Variants in ZNF570 observed in about 807,000 individuals in gnomAD.
The protein encoded by ZNF570 is zinc finger protein 570.
ZNF570 carries 8 observed loss-of-function variants against 14.2 expected under a neutral mutation model. That is an observed-to-expected ratio of 0.56 (90% CI 0.33 to 1.02). ZNF570 has a LOEUF of 1.02. ZNF570 is among the 50% of genes least tolerant of loss of function. The pLI is 0.03. For missense variants in ZNF570, 559 were observed against 624.9 expected, an observed-to-expected ratio of 0.89 and a Z score of 1.12; for synonymous variants, 202 against 207.6, an observed-to-expected ratio of 0.97 and a Z score of 0.23.
chr19:37,469,704 G>T, intron 1 of ZNF570, 147 bp downstream of exon 1: 1 of 810,718 alleles, frequency 1.2e-6, no homozygotes, highest in Non-Finnish European at 1.9e-6. Flanking sequence ...TTGTTGGGCC[G>T]ATACCCGCGG....
chr19:37,477,291 G>A (rs1396393078), intron 4 of ZNF570, among the ~76,000 whole-genome samples: 6 of 48,208 alleles, frequency 1.2e-4, no homozygotes, highest in African/African-American at 3.0e-4. Flanking sequence ...AGGTTGTCGT[G>A]TGTGTGTGTG....
chr19:37,483,748 G>T, intron 4 of ZNF570, 131 bp from the exon 5 acceptor site: 1 of 904,236 alleles, frequency 1.1e-6, no homozygotes. Context: ...GTACACTTCA[G>T]AACTGCAAAA....
chr19:37,476,298 A>G (rs1381623375), intron 3 of ZNF570, 41 bp from the exon 4 acceptor site: 1 of 1,606,374 alleles, frequency 6.2e-7, no homozygotes, highest in Non-Finnish European at 8.5e-7. Flanking sequence ...TGGAATATCC[A>G]CAGCATGACA....
At position 37,470,361 on chromosome 19, in the gene ZNF570, G is replaced by C; in HGVS notation, c.7G>C (p.Val3Leu). The C allele has an allele frequency of 1.2e-6, 2 of 1,614,160 alleles. No homozygotes were observed. The highest frequency in any genetic ancestry group is 1.7e-6 in the Non-Finnish European group (2 of 1,179,998). ...GAGCCAGGAGGAAGAAAGAATGGCT[G>C]TTGGGCTTCTTAAAGCCATGTACCA... Reference protein sequence around the residue: MAVGLLKAMYQEL... With the variant: MALGLLKAMYQEL... Residue 3 changes from valine to leucine, a missense_variant, in exon 2 of 5, where the codon GTT becomes CTT. Physicochemically the swap from Val to Leu is conservative, Grantham distance 32 (BLOSUM62 1). Transcript: ENST00000330173.
Position 37,484,484 on chromosome 19 carries a change from C to T in ZNF570, c.862C>T (p.His288Tyr), listed in dbSNP as rs977180962. 21 of 1,613,612 alleles carry T rather than the reference C, an allele frequency of 1.3e-5. No individual in the cohort carries two copies. Among genetic ancestry groups the T allele is most frequent in the African/African-American group, 4.0e-5 (3 of 74,818 alleles). Residue 288 changes from histidine (H) to tyrosine (Y), a missense_variant, in exon 5 of 5, where the codon CAC (histidine) becomes TAC (tyrosine). Coordinates refer to ENST00000330173, the MANE Select transcript of ZNF570 (RefSeq NM_144694.5). ...TAGGAAAGCCTTCAGTCAGAATGCA[C>T]ACCTAGTTCAACATCTGCGAGTTCA... ...ECRKAFSQNA[H>Y]LVQHLRVHTG...
At chr19:37,471,879 T>C (rs1441328236) in intron 2 of ZNF570, among the ~76,000 whole-genome samples, 2 of 151,856 alleles carry the variant, frequency 1.3e-5, no homozygotes, top group African/African-American at 4.8e-5. Flanking sequence ...ATCAGGAAAT[T>C]AGAGACTTCA....
chr19:37,469,472 T>C lies in ZNF570; in HGVS notation c.-137T>C. 6.5e-7 allele frequency: 1 copy of C among 1,536,388 alleles called. No individual in the cohort carries two copies. The highest frequency in any genetic ancestry group is 8.7e-7 in the Non-Finnish European group (1 of 1,146,890). On this transcript the variant is annotated 5_prime_UTR_variant, in exon 1 of 5. Coordinates refer to ENST00000330173, the MANE Select transcript of ZNF570 (RefSeq NM_144694.5). ...AGGAGATCTTCCACCAGTTCTGTTCTGCAGGTCGGGAGTGGGCTGAGGAGT... is the reference window on the plus strand; with the variant it reads ...AGGAGATCTTCCACCAGTTCTGTTCCGCAGGTCGGGAGTGGGCTGAGGAGT...
chr19:37,485,064 AC>A lies in ZNF570; in HGVS notation c.1443del (p.Cys482ValfsTer58). 6.2e-7 allele frequency: 1 copy of A among 1,613,804 alleles called. No homozygotes were observed. The highest frequency in any genetic ancestry group is 8.5e-7 in the Non-Finnish European group (1 of 1,179,962). On this transcript the variant is annotated frameshift_variant, in exon 5 of 5. Transcript: ENST00000330173. LOFTEE classifies it high-confidence loss of function. ...ECTVCGKAFS[Y>X]CGSLAQHQRI... Reference sequence around the variant, plus strand: ...ACTGTTTGTGGAAAGGCTTTTAGTTACTGTGGATCCCTTGCCCAACATCAGA... The same window carrying A: ...ACTGTTTGTGGAAAGGCTTTTAGTTATGTGGATCCCTTGCCCAACATCAGA...
chr19:37,468,082 TTTG>T (rs368260871), upstream of ZNF570: 20 of 659,020 alleles, frequency 3.0e-5, no homozygotes, highest in African/African-American at 4.4e-5. Flanking sequence ...TTTTTTTTTT[TTTG>T]TTTGTTTTGT....
chr19:37,483,488 T>C (rs1309917025), intron 4 of ZNF570, among the ~76,000 whole-genome samples: 1 of 152,232 alleles, frequency 6.6e-6, no homozygotes, highest in African/African-American at 2.4e-5. Flanking sequence ...GATCTTTGTT[T>C]TGTGATATTA....
In ZNF570 at chr19:37,477,288, C is replaced by CGTGTGTGTGT. The variant is rs71177457; in HGVS notation, c.256+889_256+898dup. On this transcript the variant is annotated intron_variant, in intron 4 of 4. Coordinates refer to ENST00000330173, the MANE Select transcript of ZNF570 (RefSeq NM_144694.5). ...AGGTGCTCATTGTGGGGGAGGTTGTCGTGTGTGTGTGTGTGTGTGTGTGTG... is the reference window on the plus strand; with the variant it reads ...AGGTGCTCATTGTGGGGGAGGTTGTCGTGTGTGTGTGTGTGTGTGTGTGTGTGTGTGTGTG... Among the ~76,000 whole-genome samples the CGTGTGTGTGT allele has an allele frequency of 2.9e-3, 337 of 115,458 alleles. 2 individuals carry two copies. The highest frequency in any genetic ancestry group is 9.1e-3 in the Middle Eastern group (2 of 220). 75.7% of individuals were successfully genotyped at this position (115,458 alleles called of 152,430 possible). A position where few individuals can be genotyped will look rare whatever the true frequency, so the allele number is the denominator to read the frequency against.
chr19:37,469,309 G>T, upstream of ZNF570: 1 of 1,417,162 alleles, frequency 7.1e-7, no homozygotes, highest in Non-Finnish European at 9.2e-7. Flanking sequence ...CGCGGGAGTT[G>T]GGCCGGCGGC....
chr19:37,483,022 T>C (rs1052139578), intron 4 of ZNF570, among the ~76,000 whole-genome samples: 3 of 152,112 alleles, frequency 2.0e-5, no homozygotes, highest in African/African-American at 7.2e-5. Context: ...AGGTAGTGTC[T>C]TTACAGCAAC....
At chr19:37,479,455 T>C (rs952397954) in intron 4 of ZNF570, among the ~76,000 whole-genome samples, 2 of 152,126 alleles carry the variant, frequency 1.3e-5, no homozygotes, top group Non-Finnish European at 2.9e-5. Flanking sequence ...GAAAATAATA[T>C]GTATTTTCTG....
At chr19:37,470,505 C>G (rs1464703101) in intron 2 of ZNF570, 118 bp downstream of exon 2, 5 of 853,864 alleles carry the variant, frequency 5.9e-6, no homozygotes, top group Non-Finnish European at 9.6e-6. Context: ...TATCAACACT[C>G]TCCATTGGAT....
At chr19:37,482,358 G>A (rs2042096965) in intron 4 of ZNF570, among the ~76,000 whole-genome samples, 1 of 152,168 alleles carries the variant, frequency 6.6e-6, no homozygotes, top group African/African-American at 2.4e-5. Context: ...CCTCCGAGGA[G>A]GTCTCAGGAA....
upstream of ZNF570, chr19:37,469,302 G>A: frequency 7.1e-7 from 1 of 1,416,910 alleles, no homozygotes; most frequent in Non-Finnish European, 9.2e-7. Context: ...CGGACCCCGC[G>A]GGAGTTGGGC....
At chr19:37,473,759 A>T (rs2041995248) in intron 2 of ZNF570, among the ~76,000 whole-genome samples, 1 of 152,154 alleles carries the variant, frequency 6.6e-6, no homozygotes. Flanking sequence ...TTATGTGGAT[A>T]TCGAAGTGAC....
chr19:37,476,510 C>T (rs2042026022), intron 4 of ZNF570, 76 bp downstream of exon 4: 1 of 1,451,072 alleles, frequency 6.9e-7, no homozygotes, highest in African/African-American at 1.4e-5. Context: ...CCTCTTCACT[C>T]TTCAGGCTTC....
Sources: allele counts gnomAD v4.1 joint callset (sites outside exome capture counted in the v4.1 genomes callset), GRCh38; gene constraint gnomAD v4.1.1; transcripts MANE v1.5; gene names NCBI Gene and HGNC (gene_info 2026-07-23, HGNC 2026-07-21).